The following KPNA3 variants were observed in gnomAD, a reference collection of about 807,000 sequenced individuals.
The protein encoded by KPNA3 is importin subunit alpha-4.
KPNA3 carries 13 observed loss-of-function variants against 73.8 expected under a neutral mutation model. That is an observed-to-expected ratio of 0.18 (90% CI 0.11 to 0.28). The LOEUF (loss-of-function observed/expected upper bound fraction) is 0.28. Ranked by LOEUF, KPNA3 falls within the 10% of genes least tolerant of loss-of-function variation. The pLI is 1.00. For missense variants in KPNA3, 360 were observed against 618.1 expected, an observed-to-expected ratio of 0.58 and a Z score of 4.43; for synonymous variants, 186 against 206.9, an observed-to-expected ratio of 0.90 and a Z score of 0.87.
chr13:49,725,894 G>A (rs532865752), intron 6 of KPNA3, among the ~76,000 whole-genome samples: 9 of 152,074 alleles, frequency 5.9e-5, no homozygotes, highest in Non-Finnish European at 1.2e-4. Context: ...TGCCCACCTC[G>A]GCTTCCCAAA....
chr13:49,791,570 G>A (rs80089392), intron 1 of KPNA3, among the ~76,000 whole-genome samples: 3,414 of 152,308 alleles, frequency 0.022, 53 homozygotes, highest in Non-Finnish European at 0.035. Flanking sequence ...CTTGGAGCAA[G>A]AGGTATGTAA....
intron 12 of KPNA3, 111 bp from the exon 13 acceptor site, chr13:49,706,483 G>C: frequency 1.5e-6 from 1 of 682,546 alleles, no homozygotes; most frequent in East Asian, 2.8e-5. Flanking sequence ...ACGTTAAAGA[G>C]ACTGCACCTA....
intron 2 of KPNA3, 143 bp from the exon 3 acceptor site, chr13:49,733,189 C>A: frequency 1.7e-6 from 1 of 604,526 alleles, no homozygotes; most frequent in Non-Finnish European, 2.9e-6. Context: ...GTGCATACTG[C>A]AAACCAATGA....
At chr13:49,762,117 CCCCCGCCCGGCCAGCCT>C (rs1371976481) in intron 1 of KPNA3, among the ~76,000 whole-genome samples, 1 of 115,072 alleles carries the variant, frequency 8.7e-6, no homozygotes, top group East Asian at 1.1e-3. Flanking sequence ...TGGGGGGCAG[CCCCCGCCCGGCCAGCCT>C]CCCCGTCCGG....
At chr13:49,790,800 T>A (rs1285060501) in intron 1 of KPNA3, among the ~76,000 whole-genome samples, 1 of 152,214 alleles carries the variant, frequency 6.6e-6, no homozygotes, top group African/African-American at 2.4e-5. Context: ...AGGTAAACAA[T>A]GAAACAAAAA....
chr13:49,739,529 G>A (rs754958194), intron 2 of KPNA3, among the ~76,000 whole-genome samples: 2 of 152,210 alleles, frequency 1.3e-5, no homozygotes, highest in Non-Finnish European at 2.9e-5. Flanking sequence ...GGAAGAAAGA[G>A]AGCAAGGAGG....
In KPNA3 at chr13:49,756,724, C is replaced by T. The variant is rs991201286; in HGVS notation, c.70-9731G>A. Reference sequence around the variant, plus strand: ...ATACAGAATTATTCTAAAATTTATACGGAAAGGCAAAGTAAGTAGAATAGT... The same window carrying T: ...ATACAGAATTATTCTAAAATTTATATGGAAAGGCAAAGTAAGTAGAATAGT... On this transcript the variant is annotated intron_variant, in intron 1 of 16. Transcript: ENST00000261667. Among the ~76,000 whole-genome samples the T allele has an allele frequency of 6.6e-5, 10 of 151,974 alleles. No individual in the cohort carries two copies. In the South Asian group the frequency reaches 8.3e-4, roughly 13 times the overall value.
chr13:49,742,317 C>T (rs1954581273), intron 2 of KPNA3, among the ~76,000 whole-genome samples: 1 of 152,110 alleles, frequency 6.6e-6, no homozygotes, highest in Non-Finnish European at 1.5e-5. Context: ...AACATTATTT[C>T]CTTTCCAGTT....
chr13:49,742,345 G>A (rs1954581484), intron 2 of KPNA3, among the ~76,000 whole-genome samples: 1 of 149,620 alleles, frequency 6.7e-6, no homozygotes, highest in South Asian at 2.1e-4. Flanking sequence ...TTCGATTTCT[G>A]AAAATACTTG....
intron 15 of KPNA3, among the ~76,000 whole-genome samples, chr13:49,703,059 G>A (rs1270669071): frequency 2.6e-5 from 4 of 152,020 alleles, no homozygotes; most frequent in African/African-American, 4.8e-5. Context: ...TAGCAGAGAC[G>A]GGGTTTCACT....
chr13:49,719,632 T>C lies in KPNA3; in HGVS notation c.771+143A>G, dbSNP rs1033832986. The C allele has an allele frequency of 9.6e-5, 65 of 674,398 alleles. No homozygotes were observed. In the East Asian group the frequency reaches 1.9e-3, roughly 20 times the overall value. The allele number at this position is 674,398 out of a possible 1,614,324, so 41.8% of individuals were successfully genotyped here. A position where few individuals can be genotyped will look rare whatever the true frequency, so the allele number is the denominator to read the frequency against. On this transcript the variant is annotated intron_variant, in intron 10 of 16. Transcript: ENST00000261667. Reference sequence around the variant, plus strand: ...TTACAGATTTAAGCTATAAACCTAATTTAAGCTTAATCCTATTTCTGAAAA... The same window carrying C: ...TTACAGATTTAAGCTATAAACCTAACTTAAGCTTAATCCTATTTCTGAAAA...
chr13:49,712,496 G>GA (rs11325182), intron 10 of KPNA3, among the ~76,000 whole-genome samples: 67 of 139,290 alleles, frequency 4.8e-4, no homozygotes, highest in African/African-American at 8.0e-4. Flanking sequence ...CTGAATAACA[G>GA]AAAAAAAAAA....
At chr13:49,791,295 G>T (rs1193274914) in intron 1 of KPNA3, among the ~76,000 whole-genome samples, 1 of 152,152 alleles carries the variant, frequency 6.6e-6, no homozygotes, top group East Asian at 1.9e-4. Context: ...AAATCATGTC[G>T]CCTAGTATTA....
chr13:49,788,328 G>T (rs1179601150), intron 1 of KPNA3, among the ~76,000 whole-genome samples: 8 of 152,196 alleles, frequency 5.3e-5, no homozygotes, highest in Non-Finnish European at 1.0e-4. Flanking sequence ...TCATTAAACA[G>T]AACATTTCTG....
intron 6 of KPNA3, among the ~76,000 whole-genome samples, chr13:49,731,198 C>T (rs899430212): frequency 6.6e-6 from 1 of 151,820 alleles, no homozygotes; most frequent in East Asian, 1.9e-4. Context: ...CCTCAGCCTC[C>T]CAAGTAGCTG....
intron 15 of KPNA3, among the ~76,000 whole-genome samples, chr13:49,704,347 C>T (rs1044940007): frequency 6.6e-5 from 10 of 150,834 alleles, no homozygotes; most frequent in East Asian, 5.8e-4. Flanking sequence ...TGCTTAAACC[C>T]GGGAGACGGA....
At chr13:49,763,818 G>A (rs944630749) in intron 1 of KPNA3, among the ~76,000 whole-genome samples, 17 of 152,138 alleles carry the variant, frequency 1.1e-4, no homozygotes, top group Non-Finnish European at 2.2e-4. Flanking sequence ...AGCAATCCCA[G>A]CACTTTGGGA....
chr13:49,706,884 G>C (rs959335538), intron 12 of KPNA3, among the ~76,000 whole-genome samples: 5 of 152,052 alleles, frequency 3.3e-5, no homozygotes, highest in Non-Finnish European at 5.9e-5. Context: ...GAGTAGCTGG[G>C]ACTACAGGCA....
intron 1 of KPNA3, among the ~76,000 whole-genome samples, chr13:49,788,492 G>A (rs1955002910): frequency 1.3e-5 from 2 of 152,126 alleles, no homozygotes; most frequent in Non-Finnish European, 1.5e-5. Flanking sequence ...GGCCAAGGCA[G>A]GAGGATAACT....
Sources: allele counts gnomAD v4.1 joint callset (sites outside exome capture counted in the v4.1 genomes callset), GRCh38; gene constraint gnomAD v4.1.1; transcripts MANE v1.5; gene names NCBI Gene and HGNC (gene_info 2026-07-23, HGNC 2026-07-21).